The following DLG2 variants were observed in gnomAD, a reference collection of about 807,000 sequenced individuals.
The protein encoded by DLG2 is discs large MAGUK scaffold protein 2.
In DLG2, 45 loss-of-function variants were observed where a neutral mutation model predicts 132.5. The ratio of observed to expected loss-of-function variants is 0.34; its 90% CI spans 0.27 to 0.44. The LOEUF (loss-of-function observed/expected upper bound fraction) is 0.44. DLG2 is among the 20% of genes least tolerant of loss of function. DLG2 has a pLI of 1.00. For synonymous variants in DLG2, 424 were observed against 419.6 expected (o/e 1.01, Z -0.13); for missense variants, 1,045 against 1,196.9 (o/e 0.87, Z 1.87).
intron 6 of DLG2, among the ~76,000 whole-genome samples, chr11:84,577,993 T>C (rs1021334401): frequency 1.3e-5 from 2 of 152,170 alleles, no homozygotes; most frequent in African/African-American, 2.4e-5. Flanking sequence ...GGGACCAATG[T>C]AGTACACAGG....
intron 20 of DLG2, among the ~76,000 whole-genome samples, chr11:83,537,674 G>T (rs1387646087): frequency 6.6e-6 from 1 of 151,740 alleles, no homozygotes; most frequent in African/African-American, 2.4e-5. Context: ...AATTAGCCAG[G>T]CATGGTGGTG....
At chr11:84,796,121 G>A (rs1410611647) in intron 6 of DLG2, among the ~76,000 whole-genome samples, 6 of 152,170 alleles carry the variant, frequency 3.9e-5, no homozygotes, top group East Asian at 1.9e-4. Flanking sequence ...CTGGAAAAAC[G>A]ATACCCCAAG....
rs2063454198 is a variant in DLG2 at position 83,871,608 on chromosome 11, G to A, written c.1565+2812C>T. Among the ~76,000 whole-genome samples the A allele has an allele frequency of 8.1e-5, 6 of 74,454 alleles. No individual in the cohort carries two copies. The South Asian group carries it at 1.8e-3, about 23-fold the overall frequency. 48.8% of individuals were successfully genotyped at this position (74,454 alleles called of 152,430 possible). A position where few individuals can be genotyped will look rare whatever the true frequency, so the allele number is the denominator to read the frequency against. On this transcript the variant is annotated intron_variant, in intron 16 of 27. Transcript: ENST00000376104. The stretch of plus-strand genomic sequence containing the variant: ...ACCTGTTAAAGACCCATTGGCCTAT[G>A]TAAGATGAAAAATAACTTTCCCACT...
intron 7 of DLG2, among the ~76,000 whole-genome samples, chr11:84,522,283 T>G (rs1034618263): frequency 1.4e-4 from 21 of 152,062 alleles, no homozygotes; most frequent in African/African-American, 5.1e-4. Context: ...CCAGAAAATC[T>G]CTGGAACACC....
At chr11:84,751,888 T>G (rs2066159581) in intron 6 of DLG2, among the ~76,000 whole-genome samples, 1 of 152,170 alleles carries the variant, frequency 6.6e-6, no homozygotes, top group Non-Finnish European at 1.5e-5. Flanking sequence ...TTTCCTTGAT[T>G]TGAGTGGTAG....
At chr11:84,942,367 A>G (rs763307426) in intron 6 of DLG2, among the ~76,000 whole-genome samples, 3 of 152,136 alleles carry the variant, frequency 2.0e-5, no homozygotes, top group Non-Finnish European at 2.9e-5. Flanking sequence ...AGTTATTGCT[A>G]TAAACATTCC....
At chr11:85,537,943 C>T (rs752561279) in intron 3 of DLG2, among the ~76,000 whole-genome samples, 3 of 151,698 alleles carry the variant, frequency 2.0e-5, no homozygotes, top group South Asian at 2.1e-4. Flanking sequence ...AGTGAAACCC[C>T]GTCTCTACTA....
intron 18 of DLG2, among the ~76,000 whole-genome samples, chr11:83,712,207 C>T (rs565813565): frequency 3.3e-5 from 5 of 152,158 alleles, no homozygotes; most frequent in Admixed American, 6.5e-5. Context: ...GATACATGCA[C>T]GTGTATGTTC....
chr11:84,001,221 T>G (rs1009906947), intron 11 of DLG2, among the ~76,000 whole-genome samples: 2 of 147,618 alleles, frequency 1.4e-5, no homozygotes, highest in African/African-American at 5.0e-5. Context: ...TAAAAACACA[T>G]GAAGACACAA....
chr11:85,001,242 C>T (rs1386894856), intron 6 of DLG2, among the ~76,000 whole-genome samples: 2 of 151,844 alleles, frequency 1.3e-5, no homozygotes, highest in African/African-American at 2.4e-5. Flanking sequence ...CACAGGTGCA[C>T]ACTACCATGC....
At chr11:83,461,950 T>A (rs113317129) in intron 27 of DLG2, 52 bp downstream of exon 27, 2 of 1,270,176 alleles carry the variant, frequency 1.6e-6, no homozygotes. Flanking sequence ...CTGTGCCAAA[T>A]GTCAGACAAT....
chr11:85,017,327 C>G (rs2154138077), intron 6 of DLG2, among the ~76,000 whole-genome samples: 1 of 148,474 alleles, frequency 6.7e-6, no homozygotes, highest in South Asian at 2.2e-4. Flanking sequence ...AAAACTTGTC[C>G]AGGGAGTATG....
chr11:85,075,071 T>G lies in DLG2; in HGVS notation c.357+36590A>C, dbSNP rs191869205. On this transcript the variant is annotated intron_variant, in intron 6 of 27. Transcript: ENST00000376104. ...GCATGAGGATGTTCAGCCTTACACA[T>G]GAGGAGTAACACAGGACATTCAAAA... Among the ~76,000 whole-genome samples the G allele has an allele frequency of 9.4e-4, 143 of 151,926 alleles. 1 individual carries two copies. The highest frequency in any genetic ancestry group is 3.3e-3 in the African/African-American group (138 of 41,502).
intron 6 of DLG2, among the ~76,000 whole-genome samples, chr11:84,716,714 A>T (rs1275234857): frequency 1.3e-5 from 2 of 151,910 alleles, no homozygotes; most frequent in Admixed American, 1.3e-4. Flanking sequence ...GGGCAAAAAA[A>T]AAAAAAAAGG....
At chr11:84,877,172 G>T (rs937534841) in intron 6 of DLG2, among the ~76,000 whole-genome samples, 4 of 152,088 alleles carry the variant, frequency 2.6e-5, no homozygotes. Context: ...TTGATTTGGG[G>T]TGGAGACTTC....
chr11:84,465,173 T>C (rs1203505090), intron 7 of DLG2, among the ~76,000 whole-genome samples: 1 of 151,196 alleles, frequency 6.6e-6, no homozygotes, highest in African/African-American at 2.4e-5. Flanking sequence ...AACTCAGAGT[T>C]CTTTTGTGCA....
chr11:85,077,979 G>T (rs929204429), intron 6 of DLG2, among the ~76,000 whole-genome samples: 2 of 151,650 alleles, frequency 1.3e-5, no homozygotes, highest in African/African-American at 4.8e-5. Flanking sequence ...TATAGTCCTG[G>T]GCTAATATAT....
chr11:83,668,670 T>C (rs964722196), intron 18 of DLG2, among the ~76,000 whole-genome samples: 15 of 150,840 alleles, frequency 9.9e-5, no homozygotes, highest in African/African-American at 3.7e-4. Context: ...TATGTATAAG[T>C]ATATATGTAT....
intron 4 of DLG2, among the ~76,000 whole-genome samples, chr11:85,230,957 A>C (rs2075269321): frequency 6.6e-6 from 1 of 151,984 alleles, no homozygotes; most frequent in Non-Finnish European, 1.5e-5. Flanking sequence ...AGCCCTTACC[A>C]GATACCAAAT....
Sources: allele counts gnomAD v4.1 joint callset (sites outside exome capture counted in the v4.1 genomes callset), GRCh38; gene constraint gnomAD v4.1.1; transcripts MANE v1.5; gene names NCBI Gene and HGNC (gene_info 2026-07-23, HGNC 2026-07-21).